Variants in DLG2 observed in about 807,000 individuals in gnomAD.
The protein encoded by DLG2 is disks large homolog 2.
In DLG2, 45 loss-of-function variants were observed where a neutral mutation model predicts 132.5. The ratio of observed to expected loss-of-function variants is 0.34; its 90% CI spans 0.27 to 0.44. The LOEUF (loss-of-function observed/expected upper bound fraction) is 0.44. Among genes scored for constraint, DLG2 ranks in the 20% least tolerant of loss-of-function variants. DLG2 has a pLI of 1.00. For synonymous variants in DLG2, 424 were observed against 419.6 expected (o/e 1.01, Z -0.13); for missense variants, 1,045 against 1,196.9 (o/e 0.87, Z 1.87).
intron 3 of DLG2, among the ~76,000 whole-genome samples, chr11:85,339,400 G>A (rs1019910244): frequency 2.0e-5 from 3 of 152,128 alleles, no homozygotes; most frequent in African/African-American, 4.8e-5. Context: ...GGGCTGAAAG[G>A]TAAATGCACC....
chr11:85,471,132 C>T (rs779455417), intron 3 of DLG2, among the ~76,000 whole-genome samples: 1 of 152,170 alleles, frequency 6.6e-6, no homozygotes, highest in African/African-American at 2.4e-5. Context: ...TCCTTTTCTG[C>T]AGTATAGTTC....
intron 6 of DLG2, among the ~76,000 whole-genome samples, chr11:84,617,041 T>A (rs1473588939): frequency 6.6e-6 from 1 of 151,912 alleles, no homozygotes; most frequent in Non-Finnish European, 1.5e-5. Context: ...ATGTGCAGGT[T>A]TGTTACATAG....
chr11:84,817,184 T>G (rs926500568), intron 6 of DLG2, among the ~76,000 whole-genome samples: 2 of 152,020 alleles, frequency 1.3e-5, no homozygotes, highest in Non-Finnish European at 2.9e-5. Flanking sequence ...GGTGCCTAAT[T>G]TGATGCTTAC....
At chr11:85,005,765 T>C (rs1333802495) in intron 6 of DLG2, among the ~76,000 whole-genome samples, 3 of 152,228 alleles carry the variant, frequency 2.0e-5, no homozygotes, top group Non-Finnish European at 2.9e-5. Context: ...AATACTATGT[T>C]GAATAGGAGT....
intron 6 of DLG2, among the ~76,000 whole-genome samples, chr11:85,005,785 G>T (rs530520088): frequency 5.3e-5 from 8 of 152,112 alleles, no homozygotes; most frequent in Non-Finnish European, 1.2e-4. Flanking sequence ...TGGTGAGAGT[G>T]GGCATTCCTT....
intron 3 of DLG2, among the ~76,000 whole-genome samples, chr11:85,356,270 C>T (rs1378179089): frequency 6.6e-6 from 1 of 152,106 alleles, no homozygotes; most frequent in African/African-American, 2.4e-5. Context: ...AATGCCCTTG[C>T]TGAATAATTT....
chr11:84,473,026 G>T (rs1366130686), intron 7 of DLG2, among the ~76,000 whole-genome samples: 1 of 151,858 alleles, frequency 6.6e-6, no homozygotes, highest in East Asian at 1.9e-4. Flanking sequence ...AAAGCTAGAA[G>T]GAACTTAGAG....
At chr11:83,844,682 G>A (rs1440765541) in intron 16 of DLG2, among the ~76,000 whole-genome samples, 1 of 151,996 alleles carries the variant, frequency 6.6e-6, no homozygotes, top group Non-Finnish European at 1.5e-5. Flanking sequence ...GTCCACCTGA[G>A]TCGTAGAAGA....
chr11:84,003,353 G>T (rs1288345639), intron 11 of DLG2, among the ~76,000 whole-genome samples: 1 of 152,038 alleles, frequency 6.6e-6, no homozygotes, highest in Non-Finnish European at 1.5e-5. Flanking sequence ...ACATTTTTGG[G>T]TGTCTTTATA....
intron 16 of DLG2, among the ~76,000 whole-genome samples, chr11:83,842,270 G>C (rs575825972): frequency 6.6e-6 from 1 of 151,982 alleles, no homozygotes. Context: ...CTCTCTTTAC[G>C]GCAGATGGTT....
intron 18 of DLG2, chr11:83,692,024 A>C (rs1402708299): frequency 6.6e-6 from 1 of 152,190 alleles, no homozygotes; most frequent in African/African-American, 2.4e-5. Flanking sequence ...TTTATAGATA[A>C]AGATGCTGGG....
intron 11 of DLG2, among the ~76,000 whole-genome samples, chr11:84,025,114 G>T (rs572168033): frequency 1.8e-4 from 28 of 152,240 alleles, no homozygotes; most frequent in African/African-American, 6.0e-4. Context: ...GTCATTCACA[G>T]GACCTTTTAG....
intron 19 of DLG2, among the ~76,000 whole-genome samples, chr11:83,577,427 G>C (rs1408276520): frequency 7.1e-6 from 1 of 140,508 alleles, no homozygotes; most frequent in Non-Finnish European, 1.5e-5. Flanking sequence ...TAATAGGATA[G>C]ATATATAATA....
At chr11:83,814,454 C>T (rs1361800240) in intron 17 of DLG2, 1 of 212,244 alleles carries the variant, frequency 4.7e-6, no homozygotes, top group Admixed American at 4.2e-5. Flanking sequence ...CTTTACACAA[C>T]TTTAAAGCTT....
At chr11:85,397,217 C>A (rs76604479) in intron 3 of DLG2, among the ~76,000 whole-genome samples, 3 of 152,140 alleles carry the variant, frequency 2.0e-5, no homozygotes, top group Non-Finnish European at 4.4e-5. Context: ...CCTTTACAGA[C>A]AAGTGAATGC....
chr11:84,970,932 CT>C (rs1382261790), intron 6 of DLG2, among the ~76,000 whole-genome samples: 1 of 152,150 alleles, frequency 6.6e-6, no homozygotes, highest in Non-Finnish European at 1.5e-5. Context: ...CTGCCATAAT[CT>C]ATTTTCAATA....
intron 7 of DLG2, among the ~76,000 whole-genome samples, chr11:84,254,366 CT>C (rs2097432184): frequency 6.6e-6 from 1 of 152,000 alleles, no homozygotes; most frequent in Non-Finnish European, 1.5e-5. Flanking sequence ...TAAATTTAGT[CT>C]TTCCAAGAAG....
chr11:84,079,285 T>TTG (rs1555326966), intron 10 of DLG2, among the ~76,000 whole-genome samples: 1 of 151,496 alleles, frequency 6.6e-6, no homozygotes, highest in Non-Finnish European at 1.5e-5. Context: ...TTTGTTTTTT[T>TTG]TTTTGTTTTT....
At chr11:83,562,708 A>G (rs2096632978) in intron 19 of DLG2, among the ~76,000 whole-genome samples, 1 of 152,210 alleles carries the variant, frequency 6.6e-6, no homozygotes, top group South Asian at 2.1e-4. Flanking sequence ...AAAAATACAT[A>G]GCTAAGGAAA....
Sources: allele counts gnomAD v4.1 joint callset (sites outside exome capture counted in the v4.1 genomes callset), GRCh38; gene constraint gnomAD v4.1.1; transcripts MANE v1.5; gene names NCBI Gene and HGNC (gene_info 2026-07-23, HGNC 2026-07-21).